The following CFAP54 variants were observed in gnomAD, a reference collection of about 807,000 sequenced individuals.
CFAP54 encodes the protein cilia- and flagella-associated protein 54.
A neutral mutation model predicts 370.4 loss-of-function variants in CFAP54; 290 were observed. The ratio of observed to expected loss-of-function variants is 0.78; its 90% CI spans 0.71 to 0.86. CFAP54 has a LOEUF of 0.86. Ranked by LOEUF, CFAP54 falls within the 40% of genes least tolerant of loss-of-function variation. The pLI is 0.00. For missense variants in CFAP54, 3,399 were observed against 3,528.7 expected, an observed-to-expected ratio of 0.96 and a Z score of 0.93; for synonymous variants, 1,206 against 1,236.5, an observed-to-expected ratio of 0.98 and a Z score of 0.52.
At chr12:96,757,346 A>C (rs891310651) in intron 57 of CFAP54, 149 bp from the exon 58 acceptor site, 3 of 446,848 alleles carry the variant, frequency 6.7e-6, no homozygotes, top group Non-Finnish European at 1.2e-5. Context: ...ATCTATGGTC[A>C]AAAGTGCTAT....
At chr12:96,742,400 A>G (rs1235168878) in intron 51 of CFAP54, 39 bp from the exon 52 acceptor site, 1 of 1,470,176 alleles carries the variant, frequency 6.8e-7, no homozygotes, top group Non-Finnish European at 9.5e-7. Context: ...CCTTGACATT[A>G]TTAAATGGAA....
chr12:96,717,847 AAT>A (rs1957703031), intron 48 of CFAP54, among the ~76,000 whole-genome samples: 1 of 152,318 alleles, frequency 6.6e-6, no homozygotes, highest in Admixed American at 6.5e-5. Context: ...ATCAGTAGCC[AAT>A]AACTTGAATA....
chr12:96,736,829 T>C (rs1957985533), intron 50 of CFAP54, among the ~76,000 whole-genome samples: 1 of 152,104 alleles, frequency 6.6e-6, no homozygotes, highest in Non-Finnish European at 1.5e-5. Flanking sequence ...ACTAACACTA[T>C]ATGGATAGCA....
chr12:96,660,690 C>T (rs1450361780), intron 38 of CFAP54, among the ~76,000 whole-genome samples: 1 of 152,214 alleles, frequency 6.6e-6, no homozygotes, highest in Non-Finnish European at 1.5e-5. Context: ...CTGCAGTGGA[C>T]ACCAGCTAGG....
At chr12:96,853,561 T>G (rs1959615490) in intron 66 of CFAP54, among the ~76,000 whole-genome samples, 3 of 152,164 alleles carry the variant, frequency 2.0e-5, no homozygotes, top group Non-Finnish European at 4.4e-5. Context: ...CTTAAAAGAA[T>G]TTTTACTTTT....
At chr12:96,842,590 T>C (rs1344550080) in intron 66 of CFAP54, among the ~76,000 whole-genome samples, 4 of 152,208 alleles carry the variant, frequency 2.6e-5, no homozygotes, top group Non-Finnish European at 5.9e-5. Context: ...AACTATCCTT[T>C]TGATGAACAA....
intron 60 of CFAP54, among the ~76,000 whole-genome samples, chr12:96,766,523 G>T (rs1958403322): frequency 6.6e-6 from 1 of 152,108 alleles, no homozygotes; most frequent in African/African-American, 2.4e-5. Flanking sequence ...TGCCAGGAAA[G>T]CATCTCTCTT....
chr12:96,794,408 A>G (rs1030607426), intron 63 of CFAP54, among the ~76,000 whole-genome samples: 1 of 151,174 alleles, frequency 6.6e-6, no homozygotes, highest in African/African-American at 2.4e-5. Flanking sequence ...CATAATCCCA[A>G]ACTTCTTGGA....
chr12:96,594,516 G>A (rs1214875295), intron 25 of CFAP54, 70 bp downstream of exon 25: 26 of 1,220,886 alleles, frequency 2.1e-5, no homozygotes, highest in Non-Finnish European at 2.8e-5. Flanking sequence ...TTTTAGAAAA[G>A]AAAAGCCATG....
rs192932524 is a variant in CFAP54, at chr12:96,691,356, G to A, written c.6264+46G>A. ...AAATTATATATCACTGGGATATTTT[G>A]CTCCACTTACCTCATACTTTTAAAA... On this transcript the variant is annotated intron_variant, in intron 44 of 67. Coordinates refer to ENST00000524981, the MANE Select transcript of CFAP54 (RefSeq NM_001306084.2). The A allele has an allele frequency of 2.5e-3, 3,544 of 1,408,550 alleles. 5 individuals are homozygous for A. Among genetic ancestry groups the A allele is most frequent in the Non-Finnish European group, 2.9e-3 (3,056 of 1,040,830 alleles). The allele number at this position is 1,408,550 out of a possible 1,614,324, so 87.3% of individuals were successfully genotyped here.
Position 96,506,619 on chromosome 12 carries a change from T to G in CFAP54, c.568-309T>G, listed in dbSNP as rs188177747. On this transcript the variant is annotated intron_variant, in intron 3 of 67. Coordinates refer to ENST00000524981, the MANE Select transcript of CFAP54 (RefSeq NM_001306084.2). ...TTTTTTTTTTGAGATGGAGTTTCTC[T>G]CTTGTCACCCAGGCTGGAATGCAGT... Among the ~76,000 whole-genome samples the G allele has an allele frequency of 4.9e-3, 734 of 148,490 alleles. 12 individuals are homozygous for G. Among genetic ancestry groups the G allele is most frequent in the African/African-American group, 0.017 (691 of 40,222 alleles).
At chr12:96,501,555 C>G (rs1222309850) in intron 2 of CFAP54, among the ~76,000 whole-genome samples, 1 of 152,192 alleles carries the variant, frequency 6.6e-6, no homozygotes. Context: ...GCTGAGACCA[C>G]AGCATGGCTG....
chr12:96,495,722 A>G (rs1954945364), intron 1 of CFAP54, among the ~76,000 whole-genome samples: 1 of 152,086 alleles, frequency 6.6e-6, no homozygotes, highest in South Asian at 2.1e-4. Flanking sequence ...AGTATATATT[A>G]TATATTTTTG....
At chr12:96,592,242 T>TA (rs1326604069) in intron 23 of CFAP54, among the ~76,000 whole-genome samples, 1 of 152,200 alleles carries the variant, frequency 6.6e-6, no homozygotes, top group African/African-American at 2.4e-5. Context: ...GTTATCTTGA[T>TA]AAAAAATAAC....
intron 63 of CFAP54, among the ~76,000 whole-genome samples, chr12:96,796,205 A>G (rs184970371): frequency 4.5e-4 from 68 of 152,204 alleles, no homozygotes; most frequent in Non-Finnish European, 8.7e-4. Flanking sequence ...CTTTCCTGGT[A>G]TGTTCCTGTG....
At chr12:96,804,776 A>T (rs759792030) in intron 63 of CFAP54, among the ~76,000 whole-genome samples, 1 of 152,162 alleles carries the variant, frequency 6.6e-6, no homozygotes, top group Non-Finnish European at 1.5e-5. Context: ...AAACAGCTGG[A>T]ATAGCCAAAG....
At chr12:96,663,723 G>GC in intron 38 of CFAP54, 107 bp from the exon 39 acceptor site, 6 of 724,116 alleles carry the variant, frequency 8.3e-6, no homozygotes, top group Non-Finnish European at 1.4e-5. Context: ...GCATTGTTAT[G>GC]TATCTCTTTA....
At chr12:96,729,783 T>A (rs1320740305) in intron 50 of CFAP54, among the ~76,000 whole-genome samples, 2 of 152,202 alleles carry the variant, frequency 1.3e-5, no homozygotes, top group Non-Finnish European at 2.9e-5. Flanking sequence ...TCTGCGTCGC[T>A]CACGCTGGGA....
At chr12:96,812,967 C>T (rs1958941961) in intron 64 of CFAP54, among the ~76,000 whole-genome samples, 1 of 151,594 alleles carries the variant, frequency 6.6e-6, no homozygotes, top group Non-Finnish European at 1.5e-5. Context: ...CCTTCTTTTC[C>T]TTTCCCTTTC....
Sources: allele counts gnomAD v4.1 joint callset (sites outside exome capture counted in the v4.1 genomes callset), GRCh38; gene constraint gnomAD v4.1.1; transcripts MANE v1.5; gene names NCBI Gene and HGNC (gene_info 2026-07-23, HGNC 2026-07-21).